Variants in ESR1 observed in about 807,000 individuals in gnomAD.
The protein encoded by ESR1 is estrogen receptor.
In ESR1, 12 loss-of-function variants were observed where a neutral mutation model predicts 52.7. The observed-to-expected ratio is 0.23, with a 90% CI of 0.15 to 0.37. The LOEUF (loss-of-function observed/expected upper bound fraction) is 0.37, where lower values mean the gene tolerates loss of function less well. Among genes scored for constraint, ESR1 ranks in the 10% least tolerant of loss-of-function variants. ESR1 has a pLI of 1.00. For synonymous variants in ESR1, 305 were observed against 316.8 expected, an observed-to-expected ratio of 0.96 and a Z score of 0.39; for missense variants, 584 against 779.7, an observed-to-expected ratio of 0.75 and a Z score of 2.99.
chr6:151,781,615 C>T (rs984261227), intron 2 of ESR1, among the ~76,000 whole-genome samples: 1 of 152,248 alleles, frequency 6.6e-6, no homozygotes, highest in Non-Finnish European at 1.5e-5. Context: ...CACCGCTTCG[C>T]TGTTTCCATT....
chr6:151,858,277 A>T (rs1287854623), intron 2 of ESR1, among the ~76,000 whole-genome samples: 1 of 152,196 alleles, frequency 6.6e-6, no homozygotes, highest in African/African-American at 2.4e-5. Flanking sequence ...ATAGAGTACC[A>T]CCAGGAATCT....
At position 151,839,897 on chromosome 6, in the gene ESR1, TATCTA is replaced by T. The variant is rs199799004; in HGVS notation, c.453-2698_453-2694del. On this transcript the variant is annotated intron_variant, in intron 1 of 7. Transcript: ENST00000206249. ...GACTGGTTGCACGATGATGTGAGTA[TATCTA>T]ACATGATTGAATTGATGAACACTTA... 7.8e-3 allele frequency among the ~76,000 whole-genome samples: 1,188 copies of T among 152,264 alleles called. 10 individuals carry two copies. Among genetic ancestry groups the T allele is most frequent in the African/African-American group, 0.028 (1,143 of 41,548 alleles).
Position 151,669,189 on chromosome 6 carries a change from A to AGGGAGC in ESR1, n.73+12426_73+12427insGGGAGC, listed in dbSNP as rs774737323. On this transcript the variant is annotated intron_variant and non_coding_transcript_variant, in intron 1 of 2. Transcript: ENST00000473497. ...GAGAGAGAGAGAGAGAGAGAGAGAG[A>AGGGAGC]TGGGAATCCAGGGGAGAACAGAACA... 2.5e-3 allele frequency among the ~76,000 whole-genome samples: 219 copies of AGGGAGC among 87,040 alleles called. 11 individuals carry two copies. The highest frequency in any genetic ancestry group is 3.8e-3 in the South Asian group (8 of 2,106). The allele number at this position is 87,040 out of a possible 152,430, so 57.1% of individuals were successfully genotyped here.
chr6:151,698,485 C>T (rs926435784), intron 1 of ESR1, among the ~76,000 whole-genome samples: 2 of 152,024 alleles, frequency 1.3e-5, no homozygotes, highest in Admixed American at 6.6e-5. Context: ...ATTTAGGATT[C>T]TGCTTGGAAA....
Position 152,098,676 on chromosome 6 carries a change from C to A in ESR1, c.1554-56C>A. The A allele has an allele frequency of 7.0e-7, 1 of 1,427,856 alleles. No homozygotes were observed. Among genetic ancestry groups the A allele is most frequent in the Non-Finnish European group, 9.8e-7 (1 of 1,018,960 alleles). 88.4% of individuals were successfully genotyped at this position (1,427,856 alleles called of 1,614,324 possible). A position where few individuals can be genotyped will look rare whatever the true frequency, so the allele number is the denominator to read the frequency against. On this transcript the variant is annotated intron_variant, in intron 7 of 7. Coordinates refer to ENST00000206249, the MANE Select transcript of ESR1 (RefSeq NM_000125.4). The surrounding 1 kb of genome is among the most constrained non-coding windows in gnomAD (Gnocchi z 5.1). ...CCTTCCCCTTCTAGGGATTTCAGCACTCCTGGGGCTCGGGTTGGCTCTAAA... is the reference window on the plus strand; with the variant it reads ...CCTTCCCCTTCTAGGGATTTCAGCAATCCTGGGGCTCGGGTTGGCTCTAAA...
chr6:151,943,902 G>T (rs1235243163), intron 3 of ESR1, among the ~76,000 whole-genome samples: 1 of 152,152 alleles, frequency 6.6e-6, no homozygotes, highest in South Asian at 2.1e-4. Flanking sequence ...TTTGATGTCA[G>T]ACAAGTGGCC....
chr6:151,925,065 A>G (rs1438679787), intron 3 of ESR1, among the ~76,000 whole-genome samples: 1 of 151,850 alleles, frequency 6.6e-6, no homozygotes, highest in Non-Finnish European at 1.5e-5. Flanking sequence ...GAACTAATTT[A>G]CACTCCCACC....
At chr6:151,977,997 A>G (rs35169303) in intron 4 of ESR1, among the ~76,000 whole-genome samples, 189 of 151,490 alleles carry the variant, frequency 1.2e-3, no homozygotes, top group Non-Finnish European at 2.1e-3. Flanking sequence ...AGAGAGGGAC[A>G]ATAGAATCAG....
chr6:151,960,096 T>A (rs2037476949), intron 4 of ESR1, among the ~76,000 whole-genome samples: 1 of 152,162 alleles, frequency 6.6e-6, no homozygotes, highest in Non-Finnish European at 1.5e-5. Context: ...ATCTCCACAC[T>A]TAAAAAAACT....
intron 4 of ESR1, among the ~76,000 whole-genome samples, chr6:151,964,648 T>C (rs2038058367): frequency 2.4e-4 from 1 of 4,228 alleles, no homozygotes; most frequent in South Asian, 2.0e-3. Context: ...TTTTCTTTCT[T>C]TTTTTTTTTT....
intron 4 of ESR1, among the ~76,000 whole-genome samples, chr6:151,985,638 C>T (rs148156766): frequency 6.0e-5 from 9 of 150,432 alleles, no homozygotes; most frequent in African/African-American, 2.0e-4. Flanking sequence ...TATACCATGT[C>T]GGATGGGGCA....
At chr6:151,662,020 G>A (rs1777655283) in intron 1 of ESR1, among the ~76,000 whole-genome samples, 1 of 152,136 alleles carries the variant, frequency 6.6e-6, no homozygotes, top group Non-Finnish European at 1.5e-5. Context: ...GGGTCCTGGT[G>A]TCTCCCCCAC....
chr6:151,691,619 T>C (rs1217754853), intron 1 of ESR1, among the ~76,000 whole-genome samples: 1 of 152,212 alleles, frequency 6.6e-6, no homozygotes, highest in Non-Finnish European at 1.5e-5. Context: ...CCAGATCTAA[T>C]AGGCTTACAG....
intron 2 of ESR1, among the ~76,000 whole-genome samples, chr6:151,866,425 C>T (rs1277029349): frequency 6.6e-6 from 1 of 152,010 alleles, no homozygotes; most frequent in Non-Finnish European, 1.5e-5. Context: ...TTTGCTGCAC[C>T]CATCAACCTG....
chr6:151,921,267 T>C (rs2031609008), intron 3 of ESR1, among the ~76,000 whole-genome samples: 1 of 152,220 alleles, frequency 6.6e-6, no homozygotes, highest in African/African-American at 2.4e-5. Context: ...TTTGATATCC[T>C]TCCTTTTTAT....
chr6:151,871,165 T>A (rs1790880764), intron 2 of ESR1, among the ~76,000 whole-genome samples: 1 of 151,926 alleles, frequency 6.6e-6, no homozygotes, highest in African/African-American at 2.4e-5. Context: ...TTTTAAAAAA[T>A]TGTGGTAAAC....
chr6:152,036,690 G>T (rs1584940541), intron 5 of ESR1, among the ~76,000 whole-genome samples: 1 of 152,308 alleles, frequency 6.6e-6, no homozygotes, highest in African/African-American at 2.4e-5. Flanking sequence ...AAATGTTTTA[G>T]CGAGAGTCAT....
chr6:151,755,241 C>CAA (rs567126492), intron 2 of ESR1, among the ~76,000 whole-genome samples: 2 of 142,104 alleles, frequency 1.4e-5, no homozygotes, highest in Admixed American at 7.0e-5. Flanking sequence ...AAACCAAAAC[C>CAA]AAAAAAAAAA....
chr6:151,706,352 A>G lies in ESR1; in HGVS notation c.-71+4347A>G, dbSNP rs1160338523. On this transcript the variant is annotated intron_variant, in intron 2 of 2. Coordinates refer to the ESR1 transcript ENST00000404742. ...CTTCAACTGACTTTGGCAACAGGAG[A>G]GATTGACTAGTGGGCTTGAAAGTGA... Among the ~76,000 whole-genome samples the G allele has an allele frequency of 7.9e-5, 12 of 152,274 alleles. No individual in the cohort carries two copies. The South Asian group carries it at 2.3e-3, about 29-fold the overall frequency.
Sources: allele counts gnomAD v4.1 joint callset (sites outside exome capture counted in the v4.1 genomes callset), GRCh38; gene constraint gnomAD v4.1.1; non-coding constraint Gnocchi (gnomAD v3.1); transcripts MANE v1.5; gene names NCBI Gene and HGNC (gene_info 2026-07-23, HGNC 2026-07-21).